SAP130: variants seen among roughly 807,000 people sequenced by gnomAD.
SAP130 encodes histone deacetylase complex subunit SAP130.
In SAP130, 16 loss-of-function variants were observed where a neutral mutation model predicts 103.2. That is an observed-to-expected ratio of 0.16 (90% confidence interval 0.10 to 0.24). The LOEUF is 0.24. Among genes scored for constraint, SAP130 ranks in the 10% least tolerant of loss-of-function variants. The pLI is 1.00. For synonymous variants in SAP130, 477 were observed against 497.0 expected (o/e 0.96, Z 0.53); for missense variants, 990 against 1,359.7 (o/e 0.73, Z 4.28).
chr2:128,016,370 A>T lies in SAP130; in HGVS notation c.507+19T>A. ...TGGCATTTCAGTTTGAAAATCAGCA[A>T]ATTAAAAGGAAGAAAAACCTGTTGT... On this transcript the variant is annotated intron_variant, in intron 4 of 20. Coordinates refer to ENST00000643581, the MANE Select transcript of SAP130 (RefSeq NM_001330301.2). The T allele has an allele frequency of 6.2e-7, 1 of 1,602,564 alleles. No individual in the cohort carries two copies. The highest frequency in any genetic ancestry group is 1.7e-4 in the Middle Eastern group (1 of 5,996).
At chr2:128,001,855 C>A (rs1029337035) in intron 7 of SAP130, among the ~76,000 whole-genome samples, 27 of 151,830 alleles carry the variant, frequency 1.8e-4, no homozygotes, top group East Asian at 1.7e-3. Context: ...CAAAAAAAAA[C>A]CAAAACAAAA....
intron 16 of SAP130, among the ~76,000 whole-genome samples, chr2:127,952,781 A>G (rs1045584035): frequency 2.6e-5 from 4 of 152,052 alleles, no homozygotes; most frequent in East Asian, 1.9e-4. Flanking sequence ...ACCACATACT[A>G]TAAGTGATAT....
At chr2:127,977,017 AAAAC>A (rs751886964) in intron 15 of SAP130, among the ~76,000 whole-genome samples, 62 of 152,354 alleles carry the variant, frequency 4.1e-4, no homozygotes, top group Non-Finnish European at 7.1e-4. Flanking sequence ...TCTACAGGAA[AAAAC>A]AAACAAACAA....
intron 15 of SAP130, among the ~76,000 whole-genome samples, chr2:127,976,716 C>G (rs565959595): frequency 4.6e-5 from 7 of 152,316 alleles, no homozygotes; most frequent in Admixed American, 2.0e-4. Flanking sequence ...TAGAGACCAT[C>G]CTGGCCAACA....
intron 14 of SAP130, among the ~76,000 whole-genome samples, chr2:127,985,586 T>C (rs1290555352): frequency 6.6e-6 from 1 of 151,968 alleles, no homozygotes. Context: ...TGCTACCAAA[T>C]ATGACCCTTA....
intron 15 of SAP130, among the ~76,000 whole-genome samples, chr2:127,977,335 C>CAAAAAAA (rs36038328): frequency 6.3e-5 from 7 of 111,732 alleles, no homozygotes; most frequent in Admixed American, 1.0e-4. Flanking sequence ...ACTTAAAATA[C>CAAAAAAA]AAAAAAAAAA....
chr2:127,960,499 T>C (rs1680164406), intron 15 of SAP130, among the ~76,000 whole-genome samples: 1 of 152,226 alleles, frequency 6.6e-6, no homozygotes, highest in African/African-American at 2.4e-5. Flanking sequence ...TAGTGATATC[T>C]AGAAAAGCCT....
chr2:128,027,049 G>A (rs755809390), intron 1 of SAP130: 6 of 1,387,834 alleles, frequency 4.3e-6, no homozygotes, highest in Non-Finnish European at 5.7e-6. Context: ...GCGGACGGGC[G>A]ATCTGGGGAC....
At chr2:127,985,332 A>G (rs144733121) in intron 14 of SAP130, among the ~76,000 whole-genome samples, 8 of 152,332 alleles carry the variant, frequency 5.3e-5, no homozygotes, top group Non-Finnish European at 1.2e-4. Context: ...GGACTCTGGT[A>G]TATGCACAGC....
chr2:128,013,219 GT>G, intron 5 of SAP130, 65 bp from the exon 6 acceptor site: 1 of 1,438,266 alleles, frequency 7.0e-7, no homozygotes. Context: ...TAATCAGTAT[GT>G]TTCCCAAAAC....
intron 7 of SAP130, among the ~76,000 whole-genome samples, chr2:128,006,687 G>C (rs1683998211): frequency 6.6e-6 from 1 of 152,202 alleles, no homozygotes; most frequent in African/African-American, 2.4e-5. Flanking sequence ...GGCTGAGGTA[G>C]AAGGATCACT....
chr2:128,017,618 G>T, intron 3 of SAP130, 62 bp downstream of exon 3: 2 of 1,377,224 alleles, frequency 1.5e-6, no homozygotes. Flanking sequence ...TATACAAATT[G>T]TTACAAACAT....
chr2:128,001,663 T>C (rs1181929100), intron 7 of SAP130, among the ~76,000 whole-genome samples: 5 of 152,202 alleles, frequency 3.3e-5, no homozygotes, highest in Non-Finnish European at 5.9e-5. Flanking sequence ...TAACAGGCTG[T>C]ATAGGTCTAC....
chr2:128,010,222 G>GTC, intron 7 of SAP130, 47 bp downstream of exon 7: 1 of 1,565,854 alleles, frequency 6.4e-7, no homozygotes. Context: ...AAAGAGTGAA[G>GTC]GAGGAGGATG....
intron 7 of SAP130, among the ~76,000 whole-genome samples, chr2:128,009,623 T>G (rs926313877): frequency 6.6e-5 from 10 of 152,154 alleles, no homozygotes; most frequent in Non-Finnish European, 8.8e-5. Context: ...CTGAACCAAC[T>G]GAAACTTCAG....
intron 4 of SAP130, 93 bp from the exon 5 acceptor site, chr2:128,015,007 T>A (rs759704065): frequency 6.6e-5 from 62 of 944,970 alleles, no homozygotes; most frequent in Non-Finnish European, 9.9e-5. Context: ...GGTCAGGTTG[T>A]TTTTTAGATA....
intron 15 of SAP130, 96 bp downstream of exon 15, chr2:127,977,889 C>A: frequency 1.0e-6 from 1 of 961,246 alleles, no homozygotes; most frequent in South Asian, 1.4e-5. Context: ...GGCTATATAA[C>A]CTAACAAGAC....
At chr2:127,997,265 T>C (rs1307331775) in intron 10 of SAP130, among the ~76,000 whole-genome samples, 1 of 152,220 alleles carries the variant, frequency 6.6e-6, no homozygotes, top group Non-Finnish European at 1.5e-5. Context: ...TAGAATACAC[T>C]TGACACTATT....
Position 127,993,113 on chromosome 2 carries a change from C to T in SAP130, c.1477+74G>A, listed in dbSNP as rs948313904. The T allele has an allele frequency of 2.6e-6, 4 of 1,527,662 alleles. No individual in the cohort carries two copies. In the African/African-American group the frequency reaches 5.5e-5, roughly 21 times the overall value. The allele number at this position is 1,527,662 out of a possible 1,614,324, so 94.6% of individuals were successfully genotyped here. A position where few individuals can be genotyped will look rare whatever the true frequency, so the allele number is the denominator to read the frequency against. On this transcript the variant is annotated intron_variant, in intron 12 of 20. Coordinates refer to ENST00000643581, the MANE Select transcript of SAP130 (RefSeq NM_001330301.2). ...ATAATTAATCTCATACAAAAAATAA[C>T]CCCTCATCAATTTCTACATTATTGT...
Sources: allele counts gnomAD v4.1 joint callset (sites outside exome capture counted in the v4.1 genomes callset), GRCh38; gene constraint gnomAD v4.1.1; transcripts MANE v1.5; gene names NCBI Gene and HGNC (gene_info 2026-07-23, HGNC 2026-07-21).